ATP8B4: variants seen among roughly 807,000 people sequenced by gnomAD.
ATP8B4 encodes the protein ATPase phospholipid transporting 8B4 (putative), also known as probable phospholipid-transporting ATPase IM.
In ATP8B4, 133 loss-of-function variants were observed where a neutral mutation model predicts 145.6. That is an observed-to-expected ratio of 0.91 (90% CI 0.79 to 1.05). ATP8B4 has a LOEUF of 1.05. Among genes scored for constraint, ATP8B4 ranks in the 50% least tolerant of loss-of-function variants. ATP8B4 has a pLI of 0.00. For synonymous variants in ATP8B4, 507 were observed against 492.9 expected (o/e 1.03, Z -0.38); for missense variants, 1,458 against 1,425.2 (o/e 1.02, Z -0.37).
intron 5 of ATP8B4, among the ~76,000 whole-genome samples, chr15:50,043,105 G>A (rs191246556): frequency 6.6e-5 from 10 of 152,168 alleles, no homozygotes; most frequent in Non-Finnish European, 1.3e-4. Flanking sequence ...AGGAAATATG[G>A]GTGTGAGCTC....
chr15:50,164,883 C>A (rs1322877129), intron 1 of ATP8B4, among the ~76,000 whole-genome samples: 1 of 152,146 alleles, frequency 6.6e-6, no homozygotes, highest in Non-Finnish European at 1.5e-5. Flanking sequence ...AAAGGACAGT[C>A]CTGAGTTCCA....
intron 23 of ATP8B4, chr15:49,895,125 T>C (rs533847661): frequency 6.6e-6 from 1 of 152,396 alleles, no homozygotes; most frequent in East Asian, 1.9e-4. Context: ...TTAAATCCTC[T>C]GGAAAAATTC....
intron 1 of ATP8B4, among the ~76,000 whole-genome samples, chr15:50,172,071 GA>G (rs1459264259): frequency 6.6e-6 from 1 of 151,946 alleles, no homozygotes; most frequent in Non-Finnish European, 1.5e-5. Context: ...AAATTACCAA[GA>G]AAAAAAAGTC....
At chr15:50,073,916 C>T (rs530817871) in intron 3 of ATP8B4, among the ~76,000 whole-genome samples, 4 of 145,142 alleles carry the variant, frequency 2.8e-5, no homozygotes, top group African/African-American at 9.7e-5. Flanking sequence ...CTTCCCATGA[C>T]AATAAGCATA....
intron 1 of ATP8B4, among the ~76,000 whole-genome samples, chr15:50,170,646 C>CA (rs56011305): frequency 0.1 from 15,476 of 151,026 alleles, 878 homozygotes; most frequent in Middle Eastern, 0.12. Flanking sequence ...CAAAACAAAA[C>CA]AAAAAAAAAC....
At position 49,860,037 on chromosome 15, in the gene ATP8B4, G is replaced by A; in HGVS notation, c.*157C>T. ...CTGGTTTTCCATAGCGCACACTCCT[G>A]TTTGATGGGCACTGGCAGTTGTCTG... On this transcript the variant is annotated 3_prime_UTR_variant, in exon 28 of 28. Coordinates refer to ENST00000284509, the MANE Select transcript of ATP8B4 (RefSeq NM_024837.4). The A allele has an allele frequency of 2.3e-6, 2 of 885,522 alleles. No homozygotes were observed. The highest frequency in any genetic ancestry group is 2.6e-5 in the East Asian group (1 of 39,028). 54.9% of individuals were successfully genotyped at this position (885,522 alleles called of 1,614,324 possible). A position where few individuals can be genotyped will look rare whatever the true frequency, so the allele number is the denominator to read the frequency against.
intron 2 of ATP8B4, among the ~76,000 whole-genome samples, chr15:50,078,680 G>T (rs1259131472): frequency 6.6e-6 from 1 of 151,802 alleles, no homozygotes; most frequent in Non-Finnish European, 1.5e-5. Flanking sequence ...TACCAATCAG[G>T]ATGAATGAAA....
At chr15:50,033,405 G>A (rs1239220292) in intron 6 of ATP8B4, among the ~76,000 whole-genome samples, 1 of 152,150 alleles carries the variant, frequency 6.6e-6, no homozygotes, top group Non-Finnish European at 1.5e-5. Flanking sequence ...AGAAGATGCT[G>A]GAGAAGTAAA....
At chr15:50,100,096 C>G (rs2056255957) in intron 2 of ATP8B4, among the ~76,000 whole-genome samples, 1 of 149,580 alleles carries the variant, frequency 6.7e-6, no homozygotes, top group Non-Finnish European at 1.5e-5. Context: ...AAGAATAAAG[C>G]ATATCTGGGA....
chr15:50,058,015 G>A (rs75686015), intron 3 of ATP8B4, among the ~76,000 whole-genome samples: 2,076 of 152,180 alleles, frequency 0.014, 50 homozygotes, highest in African/African-American at 0.048. Flanking sequence ...GAGAGAGAGA[G>A]AAAAAGACCT....
chr15:49,864,021 C>G (rs187863656), intron 26 of ATP8B4, among the ~76,000 whole-genome samples: 1 of 152,114 alleles, frequency 6.6e-6, no homozygotes, highest in East Asian at 1.9e-4. Context: ...ATACACTGAA[C>G]TTTTCATTTT....
chr15:49,978,012 A>G (rs1314532151), intron 12 of ATP8B4, among the ~76,000 whole-genome samples: 3 of 152,174 alleles, frequency 2.0e-5, no homozygotes, highest in Non-Finnish European at 4.4e-5. Context: ...CAATTGTACC[A>G]TGGCACATTA....
intron 1 of ATP8B4, among the ~76,000 whole-genome samples, chr15:50,113,006 A>AGC (rs2057024077): frequency 6.6e-6 from 1 of 152,180 alleles, no homozygotes; most frequent in Admixed American, 6.5e-5. Context: ...TAGGATGTCA[A>AGC]GCAAGGATGA....
intron 2 of ATP8B4, among the ~76,000 whole-genome samples, chr15:50,085,386 G>A (rs547495174): frequency 1.3e-5 from 2 of 152,138 alleles, no homozygotes; most frequent in Admixed American, 6.5e-5. Context: ...CTCGGAACCA[G>A]ATAAGGGGCA....
chr15:50,006,620 CA>C, intron 7 of ATP8B4, among the ~76,000 whole-genome samples: 1 of 152,068 alleles, frequency 6.6e-6, no homozygotes, highest in East Asian at 1.9e-4. Context: ...GAGTTTAGGT[CA>C]AATTAATCAT....
At position 50,044,701 on chromosome 15, in the gene ATP8B4, A is replaced by G; in HGVS notation, c.202-9T>C. The stretch of plus-strand genomic sequence containing the variant: ...GAAATTTCTGGAATTAGCTGAAACA[A>G]ACATTCCAAATAGTTTAGGGCTTTT... On this transcript the variant is annotated splice_polypyrimidine_tract_variant and intron_variant, in intron 4 of 27. Coordinates refer to ENST00000284509, the MANE Select transcript of ATP8B4 (RefSeq NM_024837.4). 1 of 1,590,758 alleles carries G rather than the reference A, an allele frequency of 6.3e-7. No individual in the cohort carries two copies. The highest frequency in any genetic ancestry group is 8.6e-7 in the Non-Finnish European group (1 of 1,159,198).
In ATP8B4 at chr15:49,979,638, A is replaced by C; in HGVS notation, c.1013T>G (p.Val338Gly). 1.9e-6 allele frequency: 3 copies of C among 1,554,328 alleles called. No homozygotes were observed. Among genetic ancestry groups the C allele is most frequent in the Non-Finnish European group, 2.6e-6 (3 of 1,141,848 alleles). Reference sequence around the variant, plus strand: ...TTACCTCACATATAAGGAAATGGGTACAACTGTATTGAGAATAATAATATA... The same window carrying C: ...TTACCTCACATATAAGGAAATGGGTCCAACTGTATTGAGAATAATAATATA... ...WSYIIILNTVVPISLYVSVEV... is the reference protein window; with the variant it reads ...WSYIIILNTVGPISLYVSVEV... Residue 338 changes from valine to glycine, a missense_variant, in exon 12 of 28, where the codon GTA (valine) becomes GGA (glycine). Coordinates refer to ENST00000284509, the MANE Select transcript of ATP8B4 (RefSeq NM_024837.4).
chr15:49,952,077 G>A (rs999336152), intron 14 of ATP8B4, among the ~76,000 whole-genome samples: 11 of 152,136 alleles, frequency 7.2e-5, no homozygotes, highest in African/African-American at 2.7e-4. Context: ...TAGTCTGATG[G>A]GCTTCCCTCT....
chr15:50,072,828 GC>G (rs772404480), intron 3 of ATP8B4, among the ~76,000 whole-genome samples: 4 of 149,008 alleles, frequency 2.7e-5, no homozygotes, highest in Non-Finnish European at 5.9e-5. Flanking sequence ...CACCATATTG[GC>G]CAGGCTGGTC....
Sources: allele counts gnomAD v4.1 joint callset (sites outside exome capture counted in the v4.1 genomes callset), GRCh38; gene constraint gnomAD v4.1.1; transcripts MANE v1.5; gene names NCBI Gene and HGNC (gene_info 2026-07-23, HGNC 2026-07-21).